Variants in ADAMTS14 observed in about 807,000 individuals in gnomAD.
ADAMTS14 encodes A disintegrin and metalloproteinase with thrombospondin motifs 14.
Under a neutral mutation model 128.6 loss-of-function variants are expected in ADAMTS14, and 100 were observed. The observed-to-expected ratio is 0.78, with a 90% CI of 0.66 to 0.92. The LOEUF is 0.92. ADAMTS14 is among the 40% of genes least tolerant of loss of function. The pLI is 0.00. For missense variants in ADAMTS14, 1,562 were observed against 1,658.6 expected (o/e 0.94, Z 1.01); for synonymous variants, 665 against 653.8 (o/e 1.02, Z -0.26).
Position 70,708,726 on chromosome 10 carries a change from G to A in ADAMTS14, c.818G>A (p.Arg273His), listed in dbSNP as rs780210737. 28 of 1,612,884 alleles carry A rather than the reference G, an allele frequency of 1.7e-5. 1 individual carries two copies. Among genetic ancestry groups the A allele is most frequent in the East Asian group, 8.9e-5 (4 of 44,810 alleles). The part of the protein sequence containing the change: ...VLLVVDDSVV[R>H]FHGKEHVQNY... Reference sequence around the variant, plus strand: ...CTGGTGGTGGACGACTCGGTGGTTCGCTTCCATGGCAAGGAGCATGTGCAG... The same window carrying A: ...CTGGTGGTGGACGACTCGGTGGTTCACTTCCATGGCAAGGAGCATGTGCAG... The change falls in exon 4 of 22, where the codon CGC becomes CAC. Residue 273 changes from arginine to histidine, a missense_variant. Coordinates refer to ENST00000373207, the MANE Select transcript of ADAMTS14 (RefSeq NM_080722.4).
At chr10:70,710,901 T>A (rs966751130) in intron 4 of ADAMTS14, among the ~76,000 whole-genome samples, 1 of 152,180 alleles carries the variant, frequency 6.6e-6, no homozygotes, top group Non-Finnish European at 1.5e-5. Context: ...CCCCACGTCA[T>A]GTCAGTCCCC....
chr10:70,728,749 G>A (rs187455613), intron 4 of ADAMTS14, among the ~76,000 whole-genome samples: 1 of 152,256 alleles, frequency 6.6e-6, no homozygotes, highest in Non-Finnish European at 1.5e-5. Flanking sequence ...GGAGGCCTGG[G>A]GTGGGGCCCA....
chr10:70,721,019 CTTTTTTTTTTT>C (rs56656736), intron 4 of ADAMTS14, among the ~76,000 whole-genome samples: 4 of 84,330 alleles, frequency 4.7e-5, no homozygotes, highest in East Asian at 9.5e-4. Flanking sequence ...TCTCTTTTTT[CTTTTTTTTTTT>C]TTTTTTTTTT....
At chr10:70,708,541 G>A in intron 3 of ADAMTS14, 47 bp from the exon 4 acceptor site, 1 of 1,533,422 alleles carries the variant, frequency 6.5e-7, no homozygotes. Context: ...CACAGTGACA[G>A]CCCCTCCTGT....
At chr10:70,721,019 C>CTTTTTTTTTTTTTTT (rs56656736) in intron 4 of ADAMTS14, among the ~76,000 whole-genome samples, 44 of 84,320 alleles carry the variant, frequency 5.2e-4, no homozygotes, top group Admixed American at 7.5e-4. Flanking sequence ...TCTCTTTTTT[C>CTTTTTTTTTTTTTTT]TTTTTTTTTT....
intron 5 of ADAMTS14, among the ~76,000 whole-genome samples, 180 bp downstream of exon 5, chr10:70,729,557 A>G (rs1224667777): frequency 4.6e-5 from 7 of 152,022 alleles, no homozygotes; most frequent in Admixed American, 4.6e-4. Context: ...GTAAGCAGCA[A>G]TTTATGGTTT....
intron 4 of ADAMTS14, among the ~76,000 whole-genome samples, chr10:70,727,177 G>A (rs1034032712): frequency 3.9e-5 from 6 of 152,234 alleles, no homozygotes; most frequent in Non-Finnish European, 7.3e-5. Flanking sequence ...CGCGGCTTCT[G>A]CTGCCCACAG....
At position 70,674,142 on chromosome 10, in the gene ADAMTS14, C is replaced by G. The variant is rs373562739; in HGVS notation, c.83-414C>G. Among the ~76,000 whole-genome samples the G allele has an allele frequency of 3.2e-4, 48 of 152,270 alleles. No homozygotes were observed. In the South Asian group the frequency reaches 9.3e-3, roughly 30 times the overall value. ...GAAGTTTGGGGAGGAGGGCACTACCCCAGCCTGGGCTGGTGACTTCAGCAC... is the reference window on the plus strand; with the variant it reads ...GAAGTTTGGGGAGGAGGGCACTACCGCAGCCTGGGCTGGTGACTTCAGCAC... On this transcript the variant is annotated intron_variant, in intron 1 of 21. Coordinates refer to ENST00000373207, the MANE Select transcript of ADAMTS14 (RefSeq NM_080722.4).
intron 19 of ADAMTS14, 32 bp downstream of exon 19, chr10:70,754,039 G>C: frequency 6.6e-7 from 1 of 1,506,116 alleles, no homozygotes; most frequent in African/African-American, 1.4e-5. Flanking sequence ...GGAGGGGCTT[G>C]GGGAGGAGGT....
At chr10:70,714,808 T>C (rs1370173148) in intron 4 of ADAMTS14, among the ~76,000 whole-genome samples, 1 of 150,790 alleles carries the variant, frequency 6.6e-6, no homozygotes, top group Non-Finnish European at 1.5e-5. Flanking sequence ...ATTAGCTGGG[T>C]GTGGTGGTGC....
intron 2 of ADAMTS14, among the ~76,000 whole-genome samples, chr10:70,680,045 T>C (rs1839756887): frequency 6.6e-6 from 1 of 152,206 alleles, no homozygotes; most frequent in Admixed American, 6.5e-5. Flanking sequence ...TCTGAGAATA[T>C]ACTAAAAACA....
intron 15 of ADAMTS14, among the ~76,000 whole-genome samples, chr10:70,747,483 A>G (rs1842214865): frequency 1.3e-5 from 2 of 150,694 alleles, no homozygotes; most frequent in African/African-American, 4.9e-5. Context: ...GGGCCGGGGG[A>G]GGGAAGGGGC....
intron 4 of ADAMTS14, among the ~76,000 whole-genome samples, chr10:70,715,740 T>C (rs1841018154): frequency 6.6e-6 from 1 of 152,192 alleles, no homozygotes; most frequent in Non-Finnish European, 1.5e-5. Context: ...AGTGTACTTT[T>C]GAAACTTGGC....
intron 11 of ADAMTS14, among the ~76,000 whole-genome samples, chr10:70,740,293 C>A (rs1374585523): frequency 6.6e-6 from 1 of 152,222 alleles, no homozygotes; most frequent in Non-Finnish European, 1.5e-5. Context: ...TTAACCCCAG[C>A]ACTTGGACAC....
At chr10:70,752,684 G>T (rs1264682916) in intron 18 of ADAMTS14, among the ~76,000 whole-genome samples, 2 of 152,164 alleles carry the variant, frequency 1.3e-5, no homozygotes, top group Non-Finnish European at 2.9e-5. Flanking sequence ...GACTGAGGCC[G>T]AGGGTGGCTG....
chr10:70,711,638 ATTGT>A (rs1279559433), intron 4 of ADAMTS14, among the ~76,000 whole-genome samples: 3 of 152,310 alleles, frequency 2.0e-5, no homozygotes, highest in African/African-American at 7.2e-5. Flanking sequence ...GTATTGTTAC[ATTGT>A]TTGTTTTTGC....
In ADAMTS14 at chr10:70,752,180, C is replaced by G; in HGVS notation, c.2682C>G (p.Pro894=). 6.2e-7 allele frequency: 1 copy of G among 1,613,768 alleles called. No individual in the cohort carries two copies. Among genetic ancestry groups the G allele is most frequent in the Non-Finnish European group, 8.5e-7 (1 of 1,179,976 alleles). ...QRHLCDHKKR[P]KPIRRRCNQH... ...ACCTGTGTGACCACAAGAAGAGGCC[C>G]AAGCCCATCCGCCGGCGCTGCAACC... Residue 894 remains proline, a synonymous_variant, in exon 18 of 22, where the codon CCC becomes CCG. Coordinates refer to ENST00000373207, the MANE Select transcript of ADAMTS14 (RefSeq NM_080722.4).
chr10:70,732,371 C>T lies in ADAMTS14; in HGVS notation c.1208+12C>T. On this transcript the variant is annotated intron_variant, in intron 7 of 21. Coordinates refer to ENST00000373207, the MANE Select transcript of ADAMTS14 (RefSeq NM_080722.4). The stretch of plus-strand genomic sequence containing the variant: ...GAGACCGGCCACGTGTAAGTGGCAG[C>T]AGCACGGTGGGTGGGACTGGCAGCT... The T allele has an allele frequency of 6.2e-7, 1 of 1,604,210 alleles. No individual in the cohort carries two copies. Among genetic ancestry groups the T allele is most frequent in the Admixed American group, 1.7e-5 (1 of 59,942 alleles).
In ADAMTS14 at chr10:70,760,948, A is replaced by G. The variant is rs1842599863; in HGVS notation, c.*95A>G. The stretch of plus-strand genomic sequence containing the variant: ...CACACATAGCAGGGCAGGCGCAAGC[A>G]CAGACTTCATTTTAAATCATTCGCC... On this transcript the variant is annotated 3_prime_UTR_variant, in exon 22 of 22. Transcript: ENST00000373207. The G allele has an allele frequency of 7.0e-7, 1 of 1,432,694 alleles. No homozygotes were observed. Among genetic ancestry groups the G allele is most frequent in the African/African-American group, 1.4e-5 (1 of 70,036 alleles). The allele number at this position is 1,432,694 out of a possible 1,614,324, so 88.7% of individuals were successfully genotyped here. A position where few individuals can be genotyped will look rare whatever the true frequency, so the allele number is the denominator to read the frequency against.
Sources: allele counts gnomAD v4.1 joint callset (sites outside exome capture counted in the v4.1 genomes callset), GRCh38; gene constraint gnomAD v4.1.1; transcripts MANE v1.5; gene names NCBI Gene and HGNC (gene_info 2026-07-23, HGNC 2026-07-21).